The following POLE variants were observed in gnomAD, a reference collection of about 807,000 sequenced individuals.
POLE encodes the protein DNA polymerase epsilon, catalytic subunit.
Under a neutral mutation model 279.2 loss-of-function variants are expected in POLE, and 188 were observed. That is an observed-to-expected ratio of 0.67 (90% CI 0.60 to 0.76). The LOEUF (loss-of-function observed/expected upper bound fraction) is 0.76, where lower values mean the gene tolerates loss of function less well. Among genes scored for constraint, POLE ranks in the 30% least tolerant of loss-of-function variants. The pLI is 0.00. For synonymous variants in POLE, 1,214 were observed against 1,172.5 expected, an observed-to-expected ratio of 1.04 and a Z score of -0.72; for missense variants, 2,703 against 3,016.7, an observed-to-expected ratio of 0.90 and a Z score of 2.44.
chr12:132,628,072 G>A (rs918235077), intron 45 of POLE, among the ~76,000 whole-genome samples: 3 of 152,190 alleles, frequency 2.0e-5, no homozygotes, highest in East Asian at 1.9e-4. Context: ...GGCCAGGTGC[G>A]GTGGCTCACG....
chr12:132,674,220 C>T (rs150403219), intron 12 of POLE, among the ~76,000 whole-genome samples: 10 of 152,114 alleles, frequency 6.6e-5, no homozygotes, highest in Non-Finnish European at 1.5e-4. Context: ...ACACTCTACC[C>T]GGAACCTGTC....
rs2041985971 is a variant in POLE at position 132,634,040 on chromosome 12, G to A, written c.6004+146C>T. 7.0e-6 allele frequency: 5 copies of A among 710,206 alleles called. No homozygotes were observed. Among genetic ancestry groups the A allele is most frequent in the Non-Finnish European group, 9.5e-6 (4 of 421,370 alleles). 44.0% of individuals were successfully genotyped at this position (710,206 alleles called of 1,614,324 possible). On this transcript the variant is annotated intron_variant, in intron 43 of 48. Coordinates refer to ENST00000320574, the MANE Select transcript of POLE (RefSeq NM_006231.4). The surrounding 1 kb of genome is among the most constrained non-coding windows in gnomAD (Gnocchi z 4.0). ...CTGGAGCCTGGAGAGGAGGCCCCTC[G>A]GCTCACAAAGTCCCAACTGCTGGGC...
intron 32 of POLE, among the ~76,000 whole-genome samples, chr12:132,648,271 C>G (rs1407590733): frequency 1.3e-5 from 2 of 149,516 alleles, no homozygotes; most frequent in Admixed American, 6.7e-5. Flanking sequence ...CTACTGAGGG[C>G]TGGGGGAGGA....
chr12:132,632,813 C>A lies in POLE; in HGVS notation c.6005-18G>T. The A allele has an allele frequency of 6.3e-7, 1 of 1,587,944 alleles. No homozygotes were observed. On this transcript the variant is annotated intron_variant, in intron 43 of 48. Transcript: ENST00000320574. ...GATGTACGCTGTGGAGAGGCACACA[C>A]ACCACAGGCCCTGAGTCGGGCTGCT...
Position 132,673,621 on chromosome 12 carries a change from T to C in POLE, c.1313A>G (p.Glu438Gly). Residue 438 changes from glutamate to glycine, a missense_variant, in exon 13 of 49, where the codon GAG (glutamate) becomes GGG (glycine). This residue lies in a region of POLE where 1,011 missense variants were observed against 1,111.7 expected (regional missense o/e 0.91). Coordinates refer to ENST00000320574, the MANE Select transcript of POLE (RefSeq NM_006231.4). ...CCGGCACATGTCCTCCGGGTCTAGC[T>C]CCACGGGATCATAGCCTAGCTTGGC... ...AKAKLGYDPVELDPEDMCRMA... is the reference protein window; with the variant it reads ...AKAKLGYDPVGLDPEDMCRMA... 6.2e-7 allele frequency: 1 copy of C among 1,613,826 alleles called. No homozygotes were observed. Among genetic ancestry groups the C allele is most frequent in the Non-Finnish European group, 8.5e-7 (1 of 1,179,986 alleles).
intron 31 of POLE, 55 bp from the exon 32 acceptor site, chr12:132,649,127 C>CG: frequency 1.3e-6 from 2 of 1,578,728 alleles, no homozygotes; most frequent in Non-Finnish European, 1.7e-6. Context: ...AACCCACAGA[C>CG]GGGGCCACCT....
At chr12:132,674,195 A>T (rs1385431485) in intron 12 of POLE, among the ~76,000 whole-genome samples, 10 of 104,638 alleles carry the variant, frequency 9.6e-5, no homozygotes, top group African/African-American at 5.0e-4. Context: ...AAAAATTAAG[A>T]AAAGAAGGCC....
rs904501016 is a variant in POLE, at chr12:132,675,195, C to T, written c.1226+203G>A. On this transcript the variant is annotated intron_variant, in intron 12 of 48. Transcript: ENST00000320574. This position sits in a 1 kb window ranked among gnomAD's most constrained non-coding sequence, Gnocchi z 4.3. ...GGCTGATGCTCAATGTGCCTGGTCA[C>T]TGATGAATTGTCAGTCAACAGTCAA... Among the ~76,000 whole-genome samples, 25 of 152,212 alleles carry T rather than the reference C, an allele frequency of 1.6e-4. No individual in the cohort carries two copies. The highest frequency in any genetic ancestry group is 4.4e-5 in the Non-Finnish European group (3 of 68,042).
In POLE at chr12:132,643,408, T is replaced by C; in HGVS notation, c.4443A>G (p.Pro1481=). The change falls in exon 34 of 49, where the codon CCA becomes CCG. Residue 1481 remains proline, a splice_region_variant and synonymous_variant. Transcript: ENST00000320574. Reference sequence around the variant, plus strand: ...ATGGGCGGCTGGTGCAGGCCATACCTGGTTCCAGGTAGCTGAACTGGGCCA... The same window carrying C: ...ATGGGCGGCTGGTGCAGGCCATACCCGGTTCCAGGTAGCTGAACTGGGCCA... ...RSLAQFSYLE[P]GSIRHIYLYH... 6.2e-7 allele frequency: 1 copy of C among 1,614,236 alleles called. No homozygotes were observed. Among genetic ancestry groups the C allele is most frequent in the East Asian group, 2.2e-5 (1 of 44,882 alleles).
intron 16 of POLE, among the ~76,000 whole-genome samples, chr12:132,669,889 G>A (rs548456126): frequency 1.6e-4 from 24 of 152,240 alleles, no homozygotes; most frequent in African/African-American, 4.3e-4. Flanking sequence ...GGGCACTTGC[G>A]AGGACTTAGG....
In POLE at chr12:132,676,537, C is replaced by A. The variant is rs1330159531; in HGVS notation, c.909+9G>T. 6.3e-7 allele frequency: 1 copy of A among 1,592,864 alleles called. No individual in the cohort carries two copies. The highest frequency in any genetic ancestry group is 1.7e-4 in the Middle Eastern group (1 of 6,046). On this transcript the variant is annotated intron_variant, in intron 9 of 48. Transcript: ENST00000320574. ...CCAGGAGCTTACTTCCCAGAAGCCA[C>A]CTGCTCACCTGGCCATCGATCATGT...
Position 132,624,755 on chromosome 12 carries a change from G to A in POLE, c.6803C>T (p.Ser2268Leu), listed in dbSNP as rs373791036. The change falls in exon 49 of 49, where the codon TCG becomes TTG. Residue 2268 changes from serine to leucine, a missense_variant. By Grantham distance (145) the Ser-to-Leu change is moderately radical (BLOSUM62 -2). Around this residue, in one of 5 missense-constraint regions of POLE, gnomAD observed 1,551 missense variants for 1,686.1 expected, o/e 0.92. Transcript: ENST00000320574. Reference protein sequence around the residue: ...FRNIAQHYGMSYLLETLEWLL... With the variant: ...FRNIAQHYGMLYLLETLEWLL... ...CCACTCCAGGGTCTCCAGGAGGTAC[G>A]ACATGCCGTAGTGCTGGGCAATGTT... is the stretch of plus-strand genomic sequence containing the variant. 2.3e-5 allele frequency: 37 copies of A among 1,613,664 alleles called. No individual in the cohort carries two copies. Among genetic ancestry groups the A allele is most frequent in the African/African-American group, 4.0e-5 (3 of 74,940 alleles).
rs1555222948 is a variant in POLE, at chr12:132,643,333, G to A, written c.4445-3C>T. The A allele has an allele frequency of 1.2e-6, 2 of 1,614,098 alleles. No individual in the cohort carries two copies. Among genetic ancestry groups the A allele is most frequent in the Non-Finnish European group, 1.7e-6 (2 of 1,180,026 alleles). On this transcript the variant is annotated splice_polypyrimidine_tract_variant and splice_region_variant and intron_variant, in intron 34 of 48. Coordinates refer to ENST00000320574, the MANE Select transcript of POLE (RefSeq NM_006231.4). ...CAGGTAGATATGGCGGATACTCCCT[G>A]GAGAAGGAAACAAGACCGTCACCCC...
chr12:132,664,873 G>GA lies in POLE; in HGVS notation c.2469-412_2469-411insT, dbSNP rs2042756183. 1.3e-5 allele frequency among the ~76,000 whole-genome samples: 2 copies of GA among 151,816 alleles called. No individual in the cohort carries two copies. The highest frequency in any genetic ancestry group is 4.8e-5 in the African/African-American group (2 of 41,304). ...CTCCTCCAGCCTGGGTCCCAGCCCT[G>GA]CTGTCAGCTGTCCCACCCTCCCCTC... On this transcript the variant is annotated intron_variant, in intron 21 of 48. Transcript: ENST00000320574. The surrounding 1 kb of genome is among the most constrained non-coding windows in gnomAD (Gnocchi z 5.3).
Position 132,642,580 on chromosome 12 carries a change from G to A in POLE, c.4878C>T (p.Arg1626=), listed in dbSNP as rs1294064987. Residue 1626 remains arginine, a synonymous_variant, in exon 37 of 49, where the codon CGC becomes CGT. Coordinates refer to ENST00000320574, the MANE Select transcript of POLE (RefSeq NM_006231.4). ...KINYGVLDWQ[R]HGARRMIRHY... ...GACGGATCATGCGCCGGGCTCCATG[G>A]CGCTGCCAGTCCAGGACCCCATAGT... 1 of 1,613,534 alleles carries A rather than the reference G, an allele frequency of 6.2e-7. No homozygotes were observed. The highest frequency in any genetic ancestry group is 1.1e-5 in the South Asian group (1 of 91,088).
rs767146892 is a variant in POLE at position 132,672,837 on chromosome 12, C to T, written c.1476G>A (p.Val492=). The change falls in exon 15 of 49, where the codon GTG becomes GTA. Residue 492 remains valine (V), a splice_region_variant and synonymous_variant. Coordinates refer to ENST00000320574, the MANE Select transcript of POLE (RefSeq NM_006231.4). ...CTIIPMEPDE[V]LRKGSGTLCE... Reference sequence around the variant, plus strand: ...ACAGAGTGCCAGAGCCCTTCCGCAGCACCTGCAAGAGAAACCAAGGCTTCC... The same window carrying T: ...ACAGAGTGCCAGAGCCCTTCCGCAGTACCTGCAAGAGAAACCAAGGCTTCC... 2 of 1,613,466 alleles carry T rather than the reference C, an allele frequency of 1.2e-6. No individual in the cohort carries two copies. The highest frequency in any genetic ancestry group is 2.2e-5 in the East Asian group (1 of 44,868).
chr12:132,650,332 A>G, intron 29 of POLE: 1 of 175,692 alleles, frequency 5.7e-6, no homozygotes, highest in Non-Finnish European at 1.2e-5. Context: ...TTAATAGTGA[A>G]GGCCGGGTGT....
chr12:132,659,181 C>CAGCCCTCACCTCTCTGTGATGAGGGG (rs1276939114), intron 26 of POLE, 114 bp downstream of exon 26: 6 of 1,079,620 alleles, frequency 5.6e-6, no homozygotes, highest in South Asian at 3.1e-5. Flanking sequence ...CGTGACAGGG[C>CAGCCCTCACCTCTCTGTGATGAGGGG]AGCCCTCACC....
At position 132,624,912 on chromosome 12, in the gene POLE, T is replaced by C. The variant is rs1203935677; in HGVS notation, c.6740A>G (p.His2247Arg). ...SCAGDFALTI[H>R]TQVFMEQIGI... is the part of the protein sequence containing the mutation. Reference sequence around the variant, plus strand: ...AGATGAGGGAGAGCCCACCTGGGTGTGGATGGTGAGGGCGAAGTCTCCCGC... The same window carrying C: ...AGATGAGGGAGAGCCCACCTGGGTGCGGATGGTGAGGGCGAAGTCTCCCGC... The change falls in exon 48 of 49, where the codon CAC becomes CGC. Residue 2247 changes from histidine (H) to arginine (R), a missense_variant. By Grantham distance (29) the His-to-Arg change is conservative. Transcript: ENST00000320574. 1.9e-6 allele frequency: 3 copies of C among 1,613,798 alleles called. No individual in the cohort carries two copies. Among genetic ancestry groups the C allele is most frequent in the Non-Finnish European group, 2.5e-6 (3 of 1,179,706 alleles).
Sources: gnomAD v4.1 joint callset for allele counts (sites outside exome capture counted in the v4.1 genomes callset) on GRCh38, gnomAD v4.1.1 for gene constraint, gnomAD v4.1.1 regional missense constraint, Gnocchi (gnomAD v3.1) non-coding constraint, MANE v1.5 for transcripts, NCBI Gene and HGNC (gene_info 2026-07-23, HGNC 2026-07-21) for gene names.